The following COLEC11 variants were observed in gnomAD, a reference collection of about 807,000 sequenced individuals.
COLEC11 encodes the protein collectin subfamily member 11.
COLEC11 carries 20 observed loss-of-function variants against 27.3 expected under a neutral mutation model. The observed-to-expected ratio is 0.73, with a 90% CI of 0.51 to 1.06. The LOEUF (loss-of-function observed/expected upper bound fraction) is 1.06. COLEC11 is among the 50% of genes least tolerant of loss of function. The probability of loss-of-function intolerance (pLI) is 0.00; values close to 1 mark genes in which losing one functional copy is unlikely to be tolerated. For missense variants in COLEC11, 310 were observed against 383.0 expected, an observed-to-expected ratio of 0.81 and a Z score of 1.59; for synonymous variants, 163 against 154.7, an observed-to-expected ratio of 1.05 and a Z score of -0.40.
chr2:3,606,465 G>A (rs1002207274), intron 2 of COLEC11, among the ~76,000 whole-genome samples: 20 of 152,168 alleles, frequency 1.3e-4, no homozygotes, highest in Non-Finnish European at 2.1e-4. Context: ...CCTGCGTGAC[G>A]GGTCACCTGT....
intron 2 of COLEC11, chr2:3,606,239 G>A: frequency 6.5e-7 from 1 of 1,550,278 alleles, no homozygotes. Context: ...CCTGCGCCCT[G>A]CCAGGTCAGT....
chr2:3,600,205 A>G (rs1662119578), intron 1 of COLEC11, among the ~76,000 whole-genome samples: 1 of 148,076 alleles, frequency 6.8e-6, no homozygotes, highest in African/African-American at 2.5e-5. Flanking sequence ...ACTGCACCCC[A>G]GCCTGGGTGA....
rs772944173 is a variant in COLEC11, at chr2:3,644,134, T to G, written c.*16T>G. The G allele has an allele frequency of 1.2e-6, 2 of 1,605,532 alleles. No individual in the cohort carries two copies. The highest frequency in any genetic ancestry group is 1.7e-6 in the Non-Finnish European group (2 of 1,179,986). On this transcript the variant is annotated 3_prime_UTR_variant, in exon 7 of 7. Transcript: ENST00000349077. The stretch of plus-strand genomic sequence containing the variant: ...GAACATGTGAGCCTCAGGCTGGGGC[T>G]GCCCATTGGGGGCCCCACATGTCCC...
At chr2:3,617,702 A>G (rs1663873165) in intron 3 of COLEC11, 2 of 1,599,480 alleles carry the variant, frequency 1.3e-6, no homozygotes, top group Non-Finnish European at 1.7e-6. Flanking sequence ...GGAAAAGCGG[A>G]GCGAGGCGTG....
intron 1 of COLEC11, among the ~76,000 whole-genome samples, chr2:3,600,430 C>T (rs1234154533): frequency 4.6e-5 from 7 of 152,102 alleles, no homozygotes; most frequent in Non-Finnish European, 8.8e-5. Flanking sequence ...TGGTACATGC[C>T]TGTAGTCTCA....
At chr2:3,641,678 C>A (rs1358859357) in intron 5 of COLEC11, among the ~76,000 whole-genome samples, 1 of 152,054 alleles carries the variant, frequency 6.6e-6, no homozygotes, top group African/African-American at 2.4e-5. Flanking sequence ...CAAGGCAAAC[C>A]CCAAGAAAGA....
intron 3 of COLEC11, among the ~76,000 whole-genome samples, chr2:3,618,558 C>T (rs977224702): frequency 9.9e-5 from 15 of 152,266 alleles, no homozygotes; most frequent in African/African-American, 2.9e-4. Flanking sequence ...CTTGTTTGAG[C>T]AAGTATACTG....
At chr2:3,632,922 G>A (rs1665123201) in intron 3 of COLEC11, among the ~76,000 whole-genome samples, 1 of 152,120 alleles carries the variant, frequency 6.6e-6, no homozygotes, top group African/African-American at 2.4e-5. Context: ...GAGGAGCGAC[G>A]TGTCAGAGGC....
intron 2 of COLEC11, among the ~76,000 whole-genome samples, chr2:3,610,629 T>C (rs1663112660): frequency 6.6e-6 from 1 of 152,162 alleles, no homozygotes; most frequent in Non-Finnish European, 1.5e-5. Context: ...CTCGGGCTCG[T>C]GGCTCGCTCT....
At chr2:3,624,212 A>T (rs116172102) in intron 3 of COLEC11, among the ~76,000 whole-genome samples, 3,430 of 152,224 alleles carry the variant, frequency 0.023, 134 homozygotes, top group African/African-American at 0.076. Flanking sequence ...CAGTCAAGCT[A>T]TCTGTCTGTG....
chr2:3,633,452 C>T lies in COLEC11; in HGVS notation c.203-4081C>T, dbSNP rs557815701. 5.3e-5 allele frequency among the ~76,000 whole-genome samples: 8 copies of T among 152,348 alleles called. No individual in the cohort carries two copies. In the East Asian group the frequency reaches 1.2e-3, roughly 22 times the overall value. On this transcript the variant is annotated intron_variant, in intron 3 of 6. Coordinates refer to ENST00000349077, the MANE Select transcript of COLEC11 (RefSeq NM_024027.5). ...ATCGCTCACACTTGGCACCTGTCTC[C>T]GGCGAGTAGAGCTCAGCTCCTGCCC... is the stretch of plus-strand genomic sequence containing the variant.
At chr2:3,613,506 G>A in intron 3 of COLEC11, 124 bp downstream of exon 3, 2 of 960,038 alleles carry the variant, frequency 2.1e-6, no homozygotes, top group South Asian at 1.5e-5. Flanking sequence ...TGGGTCCCAG[G>A]GAGGCAGACG....
At chr2:3,616,088 G>A (rs559274762) in intron 3 of COLEC11, among the ~76,000 whole-genome samples, 35 of 151,430 alleles carry the variant, frequency 2.3e-4, no homozygotes, top group African/African-American at 8.0e-4. Context: ...ACGGGGTGGC[G>A]GTCGGGCAGA....
intron 3 of COLEC11, among the ~76,000 whole-genome samples, chr2:3,632,908 G>A (rs1324415917): frequency 6.6e-6 from 1 of 152,162 alleles, no homozygotes; most frequent in Non-Finnish European, 1.5e-5. Context: ...AAACACCACG[G>A]GCTGAGGAGC....
intron 2 of COLEC11, among the ~76,000 whole-genome samples, chr2:3,609,356 T>C (rs375030375): frequency 2.2e-3 from 196 of 88,342 alleles, no homozygotes; most frequent in African/African-American, 8.0e-3. Context: ...TCTTTGATTT[T>C]TTTTTTTTTT....
In COLEC11 at chr2:3,621,770, G is replaced by C. The variant is rs140060505; in HGVS notation, c.202+8388G>C. On this transcript the variant is annotated intron_variant, in intron 3 of 6. Coordinates refer to ENST00000349077, the MANE Select transcript of COLEC11 (RefSeq NM_024027.5). ...ACATTTTATAGTTATAACAGTCTAT[G>C]CTAAACTAATAACAACTTAACTTTG... 7.7e-4 allele frequency among the ~76,000 whole-genome samples: 117 copies of C among 152,256 alleles called. 1 individual carries two copies. The highest frequency in any genetic ancestry group is 1.2e-3 in the Non-Finnish European group (81 of 68,018).
chr2:3,620,362 C>G (rs193150465), intron 3 of COLEC11, among the ~76,000 whole-genome samples: 2 of 152,156 alleles, frequency 1.3e-5, no homozygotes, highest in African/African-American at 4.8e-5. Context: ...GTATTACTCT[C>G]TTATGACCCT....
At chr2:3,596,035 G>A (rs981945622) in intron 1 of COLEC11, among the ~76,000 whole-genome samples, 4 of 152,200 alleles carry the variant, frequency 2.6e-5, no homozygotes, top group Admixed American at 6.5e-5. Flanking sequence ...GCTGGGGGAA[G>A]ATAAGAGAGG....
rs769170798 is a variant in COLEC11, at chr2:3,643,821, C to T, written c.519C>T (p.Arg173=). The T allele has an allele frequency of 4.8e-5, 77 of 1,613,368 alleles. No homozygotes were observed. Among genetic ancestry groups the T allele is most frequent in the African/African-American group, 2.5e-4 (19 of 74,946 alleles). ...YADAQLSCQG[R]GGTLSMPKDE... The stretch of plus-strand genomic sequence containing the variant: ...ACGCCCAGCTGTCCTGCCAGGGCCG[C>T]GGGGGCACGCTGAGCATGCCCAAGG... The change falls in exon 7 of 7, where the codon CGC becomes CGT. Residue 173 remains arginine, a synonymous_variant. Transcript: ENST00000349077.
Sources: gnomAD v4.1 joint callset for allele counts (sites outside exome capture counted in the v4.1 genomes callset) on GRCh38, gnomAD v4.1.1 for gene constraint, MANE v1.5 for transcripts, NCBI Gene and HGNC (gene_info 2026-07-23, HGNC 2026-07-21) for gene names.